The following OSBP2 variants were observed in gnomAD, a reference collection of about 807,000 sequenced individuals.
OSBP2 encodes the protein oxysterol binding protein 2.
In OSBP2, 66 loss-of-function variants were observed where a neutral mutation model predicts 96.0. The ratio of observed to expected loss-of-function variants is 0.69; its 90% confidence interval spans 0.56 to 0.84. The LOEUF is 0.84. OSBP2 is among the 40% of genes least tolerant of loss of function. OSBP2 has a pLI of 0.00. For missense variants in OSBP2, 1,038 were observed against 1,222.7 expected (o/e 0.85, Z 2.25); for synonymous variants, 525 against 520.9 (o/e 1.01, Z -0.11).
chr22:30,767,239 G>A (rs527674986), intron 2 of OSBP2, among the ~76,000 whole-genome samples: 2 of 151,900 alleles, frequency 1.3e-5, no homozygotes, highest in South Asian at 4.2e-4. Context: ...GAGCCTGGGA[G>A]GCAAAGGTTT....
upstream of OSBP2, chr22:30,694,354 G>C: frequency 6.5e-7 from 1 of 1,530,454 alleles, no homozygotes. Flanking sequence ...GGTAATGGCT[G>C]CCATGGGGGG....
chr22:30,879,340 T>C (rs990016299), intron 3 of OSBP2, among the ~76,000 whole-genome samples: 1 of 152,184 alleles, frequency 6.6e-6, no homozygotes, highest in African/African-American at 2.4e-5. Context: ...GGAAGCCAGA[T>C]GGTGTTGGTT....
At chr22:30,735,519 C>T (rs1341899679) in intron 1 of OSBP2, among the ~76,000 whole-genome samples, 3 of 150,270 alleles carry the variant, frequency 2.0e-5, no homozygotes, top group South Asian at 2.1e-4. Context: ...ACCATGTTGC[C>T]GAGACTGGTC....
At position 30,791,616 on chromosome 22, in the gene OSBP2, C is replaced by T. The variant is rs561876070; in HGVS notation, c.853+50247C>T. Among the ~76,000 whole-genome samples the T allele has an allele frequency of 4.6e-5, 7 of 152,156 alleles. No individual in the cohort carries two copies. The East Asian group carries it at 7.7e-4, about 17-fold the overall frequency. ...TGCTGGGATTACAGGCGAGAGCCAC[C>T]GTGCCCCGCTCATATTGGGGCATTC... On this transcript the variant is annotated intron_variant, in intron 2 of 13. Coordinates refer to ENST00000332585, the MANE Select transcript of OSBP2 (RefSeq NM_030758.4).
At chr22:30,729,949 G>GT (rs112566657) in intron 1 of OSBP2, among the ~76,000 whole-genome samples, 4 of 151,816 alleles carry the variant, frequency 2.6e-5, no homozygotes, top group African/African-American at 9.7e-5. Context: ...AAATTTCTGG[G>GT]TTTTTTTGTT....
intron 2 of OSBP2, among the ~76,000 whole-genome samples, chr22:30,855,106 G>A (rs551188190): frequency 3.9e-5 from 6 of 152,310 alleles, no homozygotes; most frequent in Non-Finnish European, 7.4e-5. Flanking sequence ...CTACAATTCA[G>A]AATGAGATTT....
rs398040482 is a variant in OSBP2, at chr22:30,865,631, C to CAAAAAAAAAA, written c.854-4782_854-4773dup. ...TGGGTGACAAAGCAAGACTCCATCT[C>CAAAAAAAAAA]AAAAAAAAAAAAAAAAAAAAAAAAA... On this transcript the variant is annotated intron_variant, in intron 2 of 13. Coordinates refer to ENST00000332585, the MANE Select transcript of OSBP2 (RefSeq NM_030758.4). 4.0e-4 allele frequency among the ~76,000 whole-genome samples: 24 copies of CAAAAAAAAAA among 59,886 alleles called. 1 individual carries two copies. The highest frequency in any genetic ancestry group is 5.5e-4 in the Non-Finnish European group (18 of 32,546). 39.3% of individuals were successfully genotyped at this position (59,886 alleles called of 152,430 possible). A position where few individuals can be genotyped will look rare whatever the true frequency, so the allele number is the denominator to read the frequency against.
chr22:30,694,294 G>A (rs746385997), upstream of OSBP2: 1 of 1,549,340 alleles, frequency 6.5e-7, no homozygotes, highest in African/African-American at 1.4e-5. Flanking sequence ...GCGGTGAGGC[G>A]GCCACTTGGG....
intron 2 of OSBP2, among the ~76,000 whole-genome samples, chr22:30,782,631 A>G (rs1043159879): frequency 6.6e-6 from 1 of 152,140 alleles, no homozygotes; most frequent in Non-Finnish European, 1.5e-5. Context: ...GTAGTGTTCC[A>G]TTGTGTGGAC....
chr22:30,865,254 TG>T (rs933769782), intron 2 of OSBP2, among the ~76,000 whole-genome samples: 2 of 152,000 alleles, frequency 1.3e-5, no homozygotes, highest in Non-Finnish European at 2.9e-5. Context: ...GATCCCTGAG[TG>T]GGGAATGGGG....
chr22:30,746,181 G>A (rs2089996852), intron 2 of OSBP2, among the ~76,000 whole-genome samples: 1 of 152,080 alleles, frequency 6.6e-6, no homozygotes, highest in Non-Finnish European at 1.5e-5. Flanking sequence ...CACTTTGGGA[G>A]GCCTAGGAGG....
chr22:30,694,838 G>GC (rs1404491359), upstream of OSBP2: 3 of 636,700 alleles, frequency 4.7e-6, no homozygotes, highest in African/African-American at 3.9e-5. Flanking sequence ...ACGTGACTGC[G>GC]CCCCCGGCCC....
At chr22:30,845,334 G>T (rs2038846393) in intron 2 of OSBP2, among the ~76,000 whole-genome samples, 1 of 152,184 alleles carries the variant, frequency 6.6e-6, no homozygotes, top group Non-Finnish European at 1.5e-5. Context: ...GAGGCAGGAG[G>T]ATTGCTTGAT....
rs562181652 is a variant in OSBP2, at chr22:30,818,844, G to A, written c.854-51585G>A. On this transcript the variant is annotated intron_variant, in intron 2 of 13. Transcript: ENST00000332585. ...TGGTAACCATAGACATGGGAGGAAA[G>A]CAAAGAGTTCAAAGTGAACAGAGCA... 2.6e-5 allele frequency among the ~76,000 whole-genome samples: 4 copies of A among 152,312 alleles called. No individual in the cohort carries two copies. The South Asian group carries it at 8.3e-4, about 32-fold the overall frequency.
At chr22:30,762,181 T>C (rs1435070136) in intron 2 of OSBP2, among the ~76,000 whole-genome samples, 1 of 151,982 alleles carries the variant, frequency 6.6e-6, no homozygotes, top group Non-Finnish European at 1.5e-5. Context: ...GAGATTACAC[T>C]ACTGCACTCC....
intron 7 of OSBP2, 141 bp downstream of exon 7, chr22:30,889,777 A>C (rs1355731715): frequency 4.0e-6 from 3 of 754,744 alleles, no homozygotes; most frequent in Non-Finnish European, 6.6e-6. Context: ...CATGTAACTA[A>C]TTATCTAATC....
At chr22:30,784,422 T>TA (rs936073299) in intron 2 of OSBP2, among the ~76,000 whole-genome samples, 12 of 149,054 alleles carry the variant, frequency 8.1e-5, no homozygotes, top group Non-Finnish European at 1.0e-4. Flanking sequence ...CCTGGCTGAT[T>TA]AAAAAAAAAA....
intron 1 of OSBP2, among the ~76,000 whole-genome samples, chr22:30,725,015 TA>T (rs954448656): frequency 3.0e-5 from 2 of 66,960 alleles, no homozygotes; most frequent in African/African-American, 8.8e-5. Flanking sequence ...CTACTAAAAA[TA>T]CAAAAAAAAA....
At chr22:30,861,813 C>T (rs1265144746) in intron 2 of OSBP2, among the ~76,000 whole-genome samples, 3 of 152,206 alleles carry the variant, frequency 2.0e-5, no homozygotes, top group Non-Finnish European at 4.4e-5. Context: ...GCTGCTCCTG[C>T]TCCCAGGGGC....
Sources: allele counts gnomAD v4.1 joint callset (sites outside exome capture counted in the v4.1 genomes callset), GRCh38; gene constraint gnomAD v4.1.1; transcripts MANE v1.5; gene names NCBI Gene and HGNC (gene_info 2026-07-23, HGNC 2026-07-21).